The following NCALD variants were observed in gnomAD, a reference collection of about 807,000 sequenced individuals.
The protein encoded by NCALD is neurocalcin delta, also known as neurocalcin-delta.
A neutral mutation model predicts 18.6 loss-of-function variants in NCALD; 10 were observed. The observed-to-expected ratio is 0.54, with a 90% CI of 0.33 to 0.91. The LOEUF is 0.91. Among genes scored for constraint, NCALD ranks in the 40% least tolerant of loss-of-function variants. The pLI is 0.03. For missense variants in NCALD, 184 were observed against 247.6 expected, an observed-to-expected ratio of 0.74 and a Z score of 1.72; for synonymous variants, 88 against 87.4, an observed-to-expected ratio of 1.01 and a Z score of -0.04.
intron 1 of NCALD, among the ~76,000 whole-genome samples, chr8:101,761,019 G>A (rs1319919979): frequency 1.6e-5 from 2 of 124,254 alleles, no homozygotes; most frequent in African/African-American, 3.0e-5. Context: ...GTTCACATTC[G>A]GGTGGGGGCG....
chr8:102,072,415 A>C (rs547664340), intron 1 of NCALD, among the ~76,000 whole-genome samples: 1 of 152,222 alleles, frequency 6.6e-6, no homozygotes, highest in African/African-American at 2.4e-5. Context: ...TGTCAAGAGA[A>C]ATATATCAGG....
chr8:101,988,597 A>G (rs1586878738), intron 2 of NCALD, among the ~76,000 whole-genome samples: 1 of 152,196 alleles, frequency 6.6e-6, no homozygotes, highest in African/African-American at 2.4e-5. Flanking sequence ...GACTAAACAT[A>G]TAAGTGCTGT....
chr8:101,984,796 G>C (rs1820743437), intron 2 of NCALD, among the ~76,000 whole-genome samples: 1 of 152,192 alleles, frequency 6.6e-6, no homozygotes, highest in African/African-American at 2.4e-5. Flanking sequence ...AAGTCACAGA[G>C]AATGGTATTT....
intron 2 of NCALD, among the ~76,000 whole-genome samples, chr8:101,705,042 C>A (rs1006746994): frequency 6.6e-6 from 1 of 151,856 alleles, no homozygotes; most frequent in African/African-American, 2.4e-5. Context: ...GCCTGGCCAA[C>A]ATGATGAAAC....
At chr8:102,003,455 G>T (rs1240557588) in intron 2 of NCALD, among the ~76,000 whole-genome samples, 1 of 152,144 alleles carries the variant, frequency 6.6e-6, no homozygotes, top group Non-Finnish European at 1.5e-5. Context: ...AGAGGTACAA[G>T]GAGGAGCAGG....
chr8:101,909,712 T>C (rs1026713412), intron 3 of NCALD, among the ~76,000 whole-genome samples: 2 of 152,148 alleles, frequency 1.3e-5, no homozygotes, highest in African/African-American at 4.8e-5. Flanking sequence ...AAACAGCTAG[T>C]ATAGAGAAAC....
chr8:101,818,276 T>C (rs1423095512), intron 4 of NCALD, among the ~76,000 whole-genome samples: 1 of 152,198 alleles, frequency 6.6e-6, no homozygotes, highest in Non-Finnish European at 1.5e-5. Flanking sequence ...TAATAATATT[T>C]AGGTAGCGAT....
intron 1 of NCALD, among the ~76,000 whole-genome samples, chr8:101,781,147 G>T (rs761690340): frequency 6.6e-6 from 1 of 150,850 alleles, no homozygotes; most frequent in Non-Finnish European, 1.5e-5. Context: ...TGGTTAAATA[G>T]CTTCTATTTT....
chr8:101,759,721 GA>G (rs1457828770), intron 1 of NCALD, among the ~76,000 whole-genome samples: 2 of 152,178 alleles, frequency 1.3e-5, no homozygotes, highest in African/African-American at 4.8e-5. Context: ...CAGGTGACCA[GA>G]CTGAATTTCC....
rs756516188 is a variant in NCALD, at chr8:101,692,876, G to A, written c.399C>T (p.Ser133=). Residue 133 remains serine, a synonymous_variant, in exon 3 of 4, where the codon TCC becomes TCT. Transcript: ENST00000220931. The part of the protein sequence containing the change: ...EIVQAIYKMV[S]SVMKMPEDES... ...CATCTTCAGGCATTTTCATTACAGA[G>A]GAAACCATCTTATAGATTGCCTGGG... The A allele has an allele frequency of 2.9e-5, 47 of 1,613,662 alleles. No homozygotes were observed. The highest frequency in any genetic ancestry group is 2.2e-4 in the East Asian group (10 of 44,882).
At chr8:102,108,760 A>G (rs768991842) in intron 1 of NCALD, among the ~76,000 whole-genome samples, 1 of 152,210 alleles carries the variant, frequency 6.6e-6, no homozygotes, top group Non-Finnish European at 1.5e-5. Context: ...AATAATAATA[A>G]TAATGCTCCT....
chr8:101,791,875 T>C (rs562929086), upstream of NCALD, among the ~76,000 whole-genome samples: 105 of 152,274 alleles, frequency 6.9e-4, 3 homozygotes, highest in South Asian at 0.021. Flanking sequence ...CCCAGAGCCA[T>C]AGAATGAAAG....
chr8:101,994,037 T>A (rs767610312), intron 2 of NCALD, among the ~76,000 whole-genome samples: 6 of 152,214 alleles, frequency 3.9e-5, no homozygotes, highest in Non-Finnish European at 7.3e-5. Flanking sequence ...GACATTAAAA[T>A]AAGTGTTATG....
In NCALD at chr8:101,735,475, CCT is replaced by C. The variant is rs146628063; in HGVS notation, c.-19-15829_-19-15828del. Among the ~76,000 whole-genome samples the C allele has an allele frequency of 3.9e-3, 591 of 152,278 alleles. 2 individuals are homozygous for C. Among genetic ancestry groups the C allele is most frequent in the African/African-American group, 0.013 (539 of 41,550 alleles). On this transcript the variant is annotated intron_variant, in intron 1 of 3. Coordinates refer to ENST00000220931, the MANE Select transcript of NCALD (RefSeq NM_032041.3). ...CATCCTCTTCTCTTCCCCAGCCTCC[CCT>C]CTCAGGTCTGCAGGGCTTTTAAGGG... is the stretch of plus-strand genomic sequence containing the variant.
chr8:101,958,353 G>T (rs887308706), intron 2 of NCALD, among the ~76,000 whole-genome samples: 3 of 151,938 alleles, frequency 2.0e-5, no homozygotes, highest in African/African-American at 4.8e-5. Context: ...ATCTCATAAT[G>T]CTTGTAGGAA....
chr8:101,837,656 T>C (rs1362212785), intron 4 of NCALD, among the ~76,000 whole-genome samples: 2 of 152,096 alleles, frequency 1.3e-5, no homozygotes, highest in African/African-American at 4.8e-5. Flanking sequence ...CAAATATAAA[T>C]CTTATGAACC....
At chr8:101,794,492 A>G (rs935547392), upstream of NCALD, among the ~76,000 whole-genome samples, 12 of 152,230 alleles carry the variant, frequency 7.9e-5, no homozygotes, top group African/African-American at 2.9e-4. Flanking sequence ...GGATGGCTCC[A>G]AGTAAATCAA....
intron 2 of NCALD, among the ~76,000 whole-genome samples, chr8:101,705,798 G>C (rs1253011745): frequency 6.6e-6 from 1 of 152,202 alleles, no homozygotes; most frequent in African/African-American, 2.4e-5. Flanking sequence ...AGAAGCCTCA[G>C]CTGCTCCAGC....
chr8:101,952,822 G>A, intron 2 of NCALD, among the ~76,000 whole-genome samples: 1 of 152,330 alleles, frequency 6.6e-6, no homozygotes, highest in East Asian at 1.9e-4. Flanking sequence ...TCTGCAGCTT[G>A]TGAAGATGAG....
Sources: allele counts gnomAD v4.1 joint callset (sites outside exome capture counted in the v4.1 genomes callset), GRCh38; gene constraint gnomAD v4.1.1; transcripts MANE v1.5; gene names NCBI Gene and HGNC (gene_info 2026-07-23, HGNC 2026-07-21).